MME: variants seen among roughly 807,000 people sequenced by gnomAD.
MME encodes the protein membrane metalloendopeptidase.
A neutral mutation model predicts 113.2 loss-of-function variants in MME; 98 were observed. The observed-to-expected ratio is 0.87, with a 90% CI of 0.74 to 1.02. MME has a LOEUF of 1.02. MME is among the 50% of genes least tolerant of loss of function. MME has a pLI of 0.00. For synonymous variants in MME, 292 were observed against 300.6 expected (o/e 0.97, Z 0.30); for missense variants, 836 against 896.0 (o/e 0.93, Z 0.86).
At chr3:155,166,400 T>C (rs975899047) in intron 17 of MME, among the ~76,000 whole-genome samples, 7 of 152,152 alleles carry the variant, frequency 4.6e-5, no homozygotes, top group African/African-American at 2.4e-5. Flanking sequence ...ATACCTTCAA[T>C]TGAGTGGCAA....
At chr3:155,138,351 T>C in intron 9 of MME, 115 bp downstream of exon 9, 1 of 1,061,662 alleles carries the variant, frequency 9.4e-7, no homozygotes, top group Non-Finnish European at 1.4e-6. Context: ...GTAGTAAAAA[T>C]GCATGGCTTG....
chr3:155,046,286 CTT>C lies in MME; in HGVS notation c.-11+21965_-11+21966del, dbSNP rs573798974. On this transcript the variant is annotated intron_variant, in intron 1 of 22. Transcript: ENST00000492661. ...TTGTGAACCTAACTATCCAGTAAGA[CTT>C]TTAAAATTTGAATATATTATACAAT... Among the ~76,000 whole-genome samples the C allele has an allele frequency of 2.6e-4, 39 of 152,314 alleles. No homozygotes were observed. In the South Asian group the frequency reaches 7.9e-3, roughly 31 times the overall value.
At chr3:155,059,039 A>C (rs1185801895) in intron 1 of MME, among the ~76,000 whole-genome samples, 2 of 152,092 alleles carry the variant, frequency 1.3e-5, no homozygotes, top group African/African-American at 4.8e-5. Context: ...AAGGTGAGAG[A>C]GGTCAGGAGT....
At chr3:155,124,440 A>C (rs1290810265) in intron 8 of MME, among the ~76,000 whole-genome samples, 1 of 151,940 alleles carries the variant, frequency 6.6e-6, no homozygotes, top group African/African-American at 2.4e-5. Flanking sequence ...TTCTCCATCC[A>C]GCTTTGTTCC....
At chr3:155,141,912 C>CG in intron 10 of MME, 79 bp from the exon 11 acceptor site, 1 of 1,491,778 alleles carries the variant, frequency 6.7e-7, no homozygotes, top group Non-Finnish European at 9.3e-7. Context: ...ACTGATCCAA[C>CG]CCTCTAACTA....
chr3:155,125,444 CTTTTTTTTTT>C (rs1165027340), intron 8 of MME, among the ~76,000 whole-genome samples: 9 of 65,286 alleles, frequency 1.4e-4, no homozygotes, highest in African/African-American at 3.9e-4. Context: ...GCTCCTCCTC[CTTTTTTTTTT>C]TTTTTTTTTT....
chr3:155,035,135 A>G (rs1376114230), intron 1 of MME, among the ~76,000 whole-genome samples: 1 of 151,984 alleles, frequency 6.6e-6, no homozygotes, highest in Non-Finnish European at 1.5e-5. Context: ...AAAGGGAGAA[A>G]AGGAAAAATA....
chr3:155,135,148 C>A (rs965343768), intron 8 of MME, among the ~76,000 whole-genome samples: 3 of 152,080 alleles, frequency 2.0e-5, no homozygotes, highest in African/African-American at 7.2e-5. Context: ...TTAATTAGGT[C>A]CCACTTGTCA....
intron 18 of MME, 54 bp downstream of exon 18, chr3:155,167,075 T>C: frequency 6.3e-7 from 1 of 1,596,108 alleles, no homozygotes; most frequent in African/African-American, 1.3e-5. Context: ...ATAAATTTGA[T>C]TAAGAGTTAT....
At chr3:155,153,670 G>A (rs1408972940) in intron 16 of MME, among the ~76,000 whole-genome samples, 1 of 152,118 alleles carries the variant, frequency 6.6e-6, no homozygotes, top group Non-Finnish European at 1.5e-5. Context: ...TAGTGTTTGT[G>A]AATCATAACT....
At chr3:155,042,916 A>ATATATATATATATATATACT in intron 1 of MME, among the ~76,000 whole-genome samples, 1 of 47,038 alleles carries the variant, frequency 2.1e-5, no homozygotes, top group East Asian at 7.3e-4. Flanking sequence ...ATATATATAT[A>ATATATATATATATATATACT]TATATATATA....
At chr3:155,159,842 C>T (rs566165921) in intron 16 of MME, among the ~76,000 whole-genome samples, 1 of 152,090 alleles carries the variant, frequency 6.6e-6, no homozygotes, top group South Asian at 2.1e-4. Flanking sequence ...GCTCAATTAG[C>T]TGGAATGTTG....
At chr3:155,115,932 C>T (rs1718562249) in intron 4 of MME, among the ~76,000 whole-genome samples, 1 of 152,166 alleles carries the variant, frequency 6.6e-6, no homozygotes, top group Admixed American at 6.5e-5. Context: ...CCCTCCTATC[C>T]TTTGTTCTCT....
At position 155,139,071 on chromosome 3, in the gene MME, T is replaced by C. The variant is rs550050904; in HGVS notation, c.855+835T>C. Among the ~76,000 whole-genome samples the C allele has an allele frequency of 4.6e-5, 7 of 152,202 alleles. No homozygotes were observed. The South Asian group carries it at 1.4e-3, about 32-fold the overall frequency. On this transcript the variant is annotated intron_variant, in intron 9 of 22. Coordinates refer to ENST00000360490, the MANE Select transcript of MME (RefSeq NM_007289.4). The stretch of plus-strand genomic sequence containing the variant: ...CAATTTTAGCTTTCCTGGGGCTACG[T>C]GAAACCAAAAATCTCCTATCAGAAC...
At chr3:155,105,125 A>G (rs1484980665) in intron 3 of MME, among the ~76,000 whole-genome samples, 1 of 152,176 alleles carries the variant, frequency 6.6e-6, no homozygotes, top group Non-Finnish European at 1.5e-5. Context: ...ACTATGAGAT[A>G]AGACTGAAGA....
chr3:155,065,703 TATGCTC>T (rs1467613865), intron 1 of MME, among the ~76,000 whole-genome samples: 2 of 152,188 alleles, frequency 1.3e-5, no homozygotes, highest in Non-Finnish European at 2.9e-5. Flanking sequence ...TGAGATGACT[TATGCTC>T]ATGTGGAGCC....
intron 8 of MME, among the ~76,000 whole-genome samples, chr3:155,133,062 A>AAAAAAATATATATATATATATATATATAT (rs1553762419): frequency 5.3e-5 from 4 of 75,050 alleles, no homozygotes; most frequent in African/African-American, 2.6e-4. Context: ...AAAAAAAAAA[A>AAAAAAATATATATATATATATATATATAT]ATATATATAT....
chr3:155,076,476 T>C (rs1176474977), upstream of MME, among the ~76,000 whole-genome samples: 1 of 152,164 alleles, frequency 6.6e-6, no homozygotes, highest in Non-Finnish European at 1.5e-5. Context: ...ACAGCTACTG[T>C]TTTCAGCACT....
chr3:155,105,285 T>C (rs371661002), intron 3 of MME, among the ~76,000 whole-genome samples: 1 of 152,294 alleles, frequency 6.6e-6, no homozygotes, highest in East Asian at 1.9e-4. Flanking sequence ...ATAGAGCAAT[T>C]AATATTTTAA....
Sources: allele counts gnomAD v4.1 joint callset (sites outside exome capture counted in the v4.1 genomes callset), GRCh38; gene constraint gnomAD v4.1.1; transcripts MANE v1.5; gene names NCBI Gene and HGNC (gene_info 2026-07-23, HGNC 2026-07-21).